Variants in ABTB2 observed in about 807,000 individuals in gnomAD.
The protein encoded by ABTB2 is ankyrin repeat and BTB/POZ domain-containing protein 2.
In ABTB2, 56 loss-of-function variants were observed where a neutral mutation model predicts 104.1. The ratio of observed to expected loss-of-function variants is 0.54; its 90% confidence interval spans 0.43 to 0.67. ABTB2 has a LOEUF of 0.67. ABTB2 is among the 30% of genes least tolerant of loss of function. The pLI, the probability that ABTB2 is intolerant of heterozygous loss-of-function variation, is 0.00. For missense variants in ABTB2, 1,279 were observed against 1,407.7 expected, an observed-to-expected ratio of 0.91 and a Z score of 1.46; for synonymous variants, 606 against 608.2, an observed-to-expected ratio of 1.00 and a Z score of 0.05.
At chr11:34,311,024 C>G (rs1847386704) in intron 1 of ABTB2, among the ~76,000 whole-genome samples, 1 of 152,212 alleles carries the variant, frequency 6.6e-6, no homozygotes, top group African/African-American at 2.4e-5. Flanking sequence ...TGCCGTTTCT[C>G]CATGTCAAAG....
chr11:34,317,101 A>G (rs1049180079), intron 1 of ABTB2, among the ~76,000 whole-genome samples: 4 of 152,196 alleles, frequency 2.6e-5, no homozygotes, highest in African/African-American at 7.2e-5. Flanking sequence ...TTCCAACCAG[A>G]GACACATGCA....
intron 1 of ABTB2, among the ~76,000 whole-genome samples, chr11:34,279,546 G>A (rs976593743): frequency 2.6e-5 from 4 of 152,174 alleles, no homozygotes; most frequent in South Asian, 2.1e-4. Flanking sequence ...TCTATTTGGC[G>A]TCATAGCCTG....
chr11:34,159,173 A>C, intron 14 of ABTB2, 123 bp downstream of exon 14: 3 of 721,544 alleles, frequency 4.2e-6, no homozygotes, highest in Non-Finnish European at 7.1e-6. Context: ...TATTCATTCA[A>C]CAGAATACAG....
At chr11:34,162,921 C>T (rs985352455) in intron 9 of ABTB2, 116 bp from the exon 10 acceptor site, 36 of 1,015,280 alleles carry the variant, frequency 3.5e-5, no homozygotes, top group African/African-American at 9.7e-5. Flanking sequence ...CCCGAGGGCT[C>T]GGAGTTTCAT....
chr11:34,346,469 G>A (rs1855333450), intron 1 of ABTB2, among the ~76,000 whole-genome samples: 1 of 152,122 alleles, frequency 6.6e-6, no homozygotes, highest in Non-Finnish European at 1.5e-5. Flanking sequence ...GGGGAAAGGG[G>A]CACAGGAAAA....
chr11:34,357,805 T>G lies in ABTB2; in HGVS notation c.-222A>C. ...CGCTCCCGGCGTCCCGACTCGCAGC[T>G]GCCACTGGAAAGAACCCCGTCGCTA... is the stretch of plus-strand genomic sequence containing the variant. On this transcript the variant is annotated 5_prime_UTR_variant, in exon 1 of 17. Transcript: ENST00000435224. The G allele has an allele frequency of 1.9e-6, 1 of 521,484 alleles. No homozygotes were observed. The highest frequency in any genetic ancestry group is 3.3e-6 in the Non-Finnish European group (1 of 300,204). The allele number at this position is 521,484 out of a possible 1,614,324, so 32.3% of individuals were successfully genotyped here.
intron 1 of ABTB2, among the ~76,000 whole-genome samples, chr11:34,278,236 TA>T (rs1159858143): frequency 6.6e-6 from 1 of 152,184 alleles, no homozygotes; most frequent in African/African-American, 2.4e-5. Context: ...GATAATTAGA[TA>T]ATCTAGAATT....
At chr11:34,170,423 C>T (rs929356397) in intron 5 of ABTB2, among the ~76,000 whole-genome samples, 17 of 152,234 alleles carry the variant, frequency 1.1e-4, no homozygotes, top group African/African-American at 3.6e-4. Flanking sequence ...ACATTTCCTA[C>T]CCATTTTCAT....
Position 34,164,756 on chromosome 11 carries a change from C to A in ABTB2, c.1918G>T (p.Ala640Ser), listed in dbSNP as rs747039199. ...GADPLLSMLE[A>S]HGMGSSLHED... ...TGGAGGGAGGAGCCCATGCCGTGGG[C>A]CTCCAGCATGCTGAGGAGGGGGTCG... The change falls in exon 9 of 17, where the codon GCC becomes TCC. Residue 640 changes from alanine (A) to serine (S), a missense_variant. Ala to Ser is a moderately conservative substitution (Grantham distance 99). Transcript: ENST00000435224. 1 of 1,560,266 alleles carries A rather than the reference C, an allele frequency of 6.4e-7. No homozygotes were observed. The highest frequency in any genetic ancestry group is 2.2e-5 in the Admixed American group (1 of 45,626).
intron 1 of ABTB2, among the ~76,000 whole-genome samples, chr11:34,284,264 C>T (rs1263084129): frequency 1.3e-5 from 2 of 152,222 alleles, no homozygotes; most frequent in Non-Finnish European, 2.9e-5. Context: ...GATGGCTCAG[C>T]TTTGGGAAAC....
chr11:34,265,743 T>C (rs1391374655), intron 1 of ABTB2, among the ~76,000 whole-genome samples: 1 of 128,860 alleles, frequency 7.8e-6, no homozygotes, highest in African/African-American at 3.1e-5. Flanking sequence ...CCGAGGTGGG[T>C]GGATCATCTG....
chr11:34,182,497 T>TGGGGGGGGGGGG (rs1157886289), intron 3 of ABTB2, among the ~76,000 whole-genome samples: 1 of 69,926 alleles, frequency 1.4e-5, no homozygotes, highest in Non-Finnish European at 2.9e-5. Context: ...TTGGGTTCTC[T>TGGGGGGGGGGGG]GGGGGGGGGG....
chr11:34,357,288 CA>C lies in ABTB2; in HGVS notation c.295del (p.Trp99GlyfsTer27). The C allele has an allele frequency of 6.6e-7, 1 of 1,509,018 alleles. No homozygotes were observed. The highest frequency in any genetic ancestry group is 8.9e-7 in the Non-Finnish European group (1 of 1,126,508). The allele number at this position is 1,509,018 out of a possible 1,614,324, so 93.5% of individuals were successfully genotyped here. On this transcript the variant is annotated frameshift_variant, in exon 1 of 17. Coordinates refer to ENST00000435224, the MANE Select transcript of ABTB2 (RefSeq NM_145804.3). LOFTEE classifies it high-confidence loss of function. ...PRLPELEEFP[W>X]TEGDVARVLR... ...CACCCGGGCCACGTCTCCTTCGGTC[CA>C]GGGGAACTCCTCCAGCTCGGGGAGC...
intron 1 of ABTB2, among the ~76,000 whole-genome samples, chr11:34,245,623 T>G (rs1853975022): frequency 6.6e-6 from 1 of 152,132 alleles, no homozygotes. Flanking sequence ...AGGGAAGGCA[T>G]GAGATGAGCA....
intron 1 of ABTB2, among the ~76,000 whole-genome samples, chr11:34,320,812 C>T (rs530540572): frequency 1.3e-5 from 2 of 152,334 alleles, no homozygotes; most frequent in South Asian, 4.1e-4. Flanking sequence ...TGCCAATCTT[C>T]CCCAATACCA....
intron 1 of ABTB2, among the ~76,000 whole-genome samples, chr11:34,273,435 G>T (rs1014478307): frequency 6.6e-6 from 1 of 152,174 alleles, no homozygotes; most frequent in Admixed American, 6.5e-5. Flanking sequence ...AGCTGGCAGG[G>T]GATGCAGAAG....
At chr11:34,176,597 G>A (rs1189128198) in intron 3 of ABTB2, among the ~76,000 whole-genome samples, 4 of 152,188 alleles carry the variant, frequency 2.6e-5, no homozygotes, top group East Asian at 1.9e-4. Flanking sequence ...AGCTATGATC[G>A]CACCACTCCC....
intron 1 of ABTB2, among the ~76,000 whole-genome samples, chr11:34,338,220 A>G (rs1855216603): frequency 6.6e-6 from 1 of 151,438 alleles, no homozygotes; most frequent in Non-Finnish European, 1.5e-5. Flanking sequence ...GTCTCCATGA[A>G]AAGTACAGAA....
rs1041218990 is a variant in ABTB2 at position 34,357,973 on chromosome 11, G to C, written c.-390C>G. 1.1e-3 allele frequency: 212 copies of C among 197,032 alleles called. No homozygotes were observed. Among genetic ancestry groups the C allele is most frequent in the African/African-American group, 4.3e-3 (184 of 43,096 alleles). 12.2% of individuals were successfully genotyped at this position (197,032 alleles called of 1,614,324 possible). Reference sequence around the variant, plus strand: ...AGGGCGCAGGGCGCAGCGCGAGTCCGGGACCAGCCGGCGAGAAAGCGCTCT... The same window carrying C: ...AGGGCGCAGGGCGCAGCGCGAGTCCCGGACCAGCCGGCGAGAAAGCGCTCT... On this transcript the variant is annotated 5_prime_UTR_variant, in exon 1 of 17. Transcript: ENST00000435224.
Sources: gnomAD v4.1 joint callset for allele counts (sites outside exome capture counted in the v4.1 genomes callset) on GRCh38, gnomAD v4.1.1 for gene constraint, MANE v1.5 for transcripts, NCBI Gene and HGNC (gene_info 2026-07-23, HGNC 2026-07-21) for gene names.